Variants in MED8 observed in about 807,000 individuals in gnomAD.
MED8 encodes the protein mediator of RNA polymerase II transcription subunit 8.
In MED8, 22 loss-of-function variants were observed where a neutral mutation model predicts 34.8. The observed-to-expected ratio is 0.63, with a 90% CI of 0.45 to 0.90. The LOEUF is 0.90. Among genes scored for constraint, MED8 ranks in the 40% least tolerant of loss-of-function variants. The probability of loss-of-function intolerance (pLI) is 0.00; values close to 1 mark genes in which losing one functional copy is unlikely to be tolerated. For missense variants in MED8, 260 were observed against 326.3 expected (o/e 0.80, Z 1.57); for synonymous variants, 105 against 120.2 (o/e 0.87, Z 0.83).
At chr1:43,389,559 T>G (rs1378826841) in intron 1 of MED8, among the ~76,000 whole-genome samples, 200 bp downstream of exon 1, 2 of 152,246 alleles carry the variant, frequency 1.3e-5, no homozygotes, top group African/African-American at 2.4e-5. Flanking sequence ...GACTGTCTCC[T>G]GTCAGGCAAG....
In MED8 at chr1:43,384,372, T is replaced by TAGGG; in HGVS notation, c.*666_*669dup. ...CGTGTGTATAAGGTGGGGTAAAGGATAGGGGACTTTATGACTATTTGACAG... is the reference window on the plus strand; with the variant it reads ...CGTGTGTATAAGGTGGGGTAAAGGATAGGGAGGGGACTTTATGACTATTTGACAG... On this transcript the variant is annotated 3_prime_UTR_variant, in exon 7 of 7. Transcript: ENST00000372457. 1 of 1,506,614 alleles carries TAGGG rather than the reference T, an allele frequency of 6.6e-7. No individual in the cohort carries two copies. 93.3% of individuals were successfully genotyped at this position (1,506,614 alleles called of 1,614,324 possible).
At position 43,384,386 on chromosome 1, in the gene MED8, A is replaced by G; in HGVS notation, c.*656T>C. On this transcript the variant is annotated 3_prime_UTR_variant, in exon 7 of 7. Coordinates refer to ENST00000372457, the MANE Select transcript of MED8 (RefSeq NM_201542.5). ...GGGGTAAAGGATAGGGGACTTTATG[A>G]CTATTTGACAGGTAAAAGCCAAGTT... is the stretch of plus-strand genomic sequence containing the variant. The G allele has an allele frequency of 6.6e-7, 1 of 1,524,832 alleles. No individual in the cohort carries two copies. The highest frequency in any genetic ancestry group is 8.8e-7 in the Non-Finnish European group (1 of 1,137,112). The allele number at this position is 1,524,832 out of a possible 1,614,324, so 94.5% of individuals were successfully genotyped here. A position where few individuals can be genotyped will look rare whatever the true frequency, so the allele number is the denominator to read the frequency against.
At chr1:43,389,673 C>T in intron 1 of MED8, 86 bp downstream of exon 1, 2 of 1,570,910 alleles carry the variant, frequency 1.3e-6, no homozygotes, top group East Asian at 4.8e-5. Flanking sequence ...TTCTCAGTCC[C>T]AACTCTTCAT....
Position 43,386,346 on chromosome 1 carries a change from C to T in MED8, c.494-120G>A. 7.7e-7 allele frequency: 1 copy of T among 1,299,758 alleles called. No homozygotes were observed. Among genetic ancestry groups the T allele is most frequent in the East Asian group, 2.5e-5 (1 of 39,938 alleles). 80.5% of individuals were successfully genotyped at this position (1,299,758 alleles called of 1,614,324 possible). Reference sequence around the variant, plus strand: ...TCTGAATTCAGCAACATCTAGACTCCCTCACAGCCCAGAAAAAGAGCCAGA... The same window carrying T: ...TCTGAATTCAGCAACATCTAGACTCTCTCACAGCCCAGAAAAAGAGCCAGA... On this transcript the variant is annotated intron_variant, in intron 5 of 6. Transcript: ENST00000372457. This position sits in a 1 kb window ranked among gnomAD's most constrained non-coding sequence, Gnocchi z 4.9.
Position 43,386,434 on chromosome 1 carries a change from G to A in MED8, c.493+155C>T, listed in dbSNP as rs1435978911. The A allele has an allele frequency of 1.9e-6, 2 of 1,050,832 alleles. No homozygotes were observed. The highest frequency in any genetic ancestry group is 1.6e-5 in the South Asian group (1 of 63,502). 65.1% of individuals were successfully genotyped at this position (1,050,832 alleles called of 1,614,324 possible). ...TTTGCCCATTTCCTCCACTGCTTCA[G>A]TGCTGGCCTTAAATACAAAAGGCTA... On this transcript the variant is annotated intron_variant, in intron 5 of 6. Coordinates refer to ENST00000372457, the MANE Select transcript of MED8 (RefSeq NM_201542.5). This position sits in a 1 kb window ranked among gnomAD's most constrained non-coding sequence, Gnocchi z 4.9.
Position 43,389,614 on chromosome 1 carries a change from C to T in MED8, c.6+145G>A, listed in dbSNP as rs555983567. The T allele has an allele frequency of 7.4e-5, 97 of 1,305,744 alleles. No individual in the cohort carries two copies. The South Asian group carries it at 1.3e-3, about 17-fold the overall frequency. The allele number at this position is 1,305,744 out of a possible 1,614,324, so 80.9% of individuals were successfully genotyped here. ...CGCCGCCGCTCCCGCTCCAATTAGC[C>T]TCGCCCCCCAGCCCACATTCCCTTA... On this transcript the variant is annotated intron_variant, in intron 1 of 6. Coordinates refer to ENST00000372457, the MANE Select transcript of MED8 (RefSeq NM_201542.5).
chr1:43,388,511 G>GT, intron 1 of MED8, 83 bp from the exon 2 acceptor site: 1 of 1,569,790 alleles, frequency 6.4e-7, no homozygotes, highest in Non-Finnish European at 8.6e-7. Flanking sequence ...AGGAGATGGT[G>GT]TGCAACACCA....
intron 1 of MED8, 43 bp downstream of exon 1, chr1:43,389,716 C>G (rs765415530): frequency 1.2e-5 from 20 of 1,602,590 alleles, no homozygotes; most frequent in Non-Finnish European, 1.6e-5. Flanking sequence ...GGTCCCTGTA[C>G]CCGAAGCTTG....
chr1:43,389,750 A>T lies in MED8; in HGVS notation c.6+9T>A. 6.2e-7 allele frequency: 1 copy of T among 1,607,300 alleles called. No individual in the cohort carries two copies. The highest frequency in any genetic ancestry group is 8.5e-7 in the Non-Finnish European group (1 of 1,177,206). On this transcript the variant is annotated intron_variant, in intron 1 of 6. Coordinates refer to ENST00000372457, the MANE Select transcript of MED8 (RefSeq NM_201542.5). ...TGCCAGCCGCTAGTACGCCCAACGC[A>T]ACTCTCACCTGCATTGCGGCGGCCG...
rs781455010 is a variant in MED8, at chr1:43,387,007, C to T, written c.271-9G>A. On this transcript the variant is annotated splice_polypyrimidine_tract_variant and intron_variant, in intron 3 of 6. Coordinates refer to ENST00000372457, the MANE Select transcript of MED8 (RefSeq NM_201542.5). Reference sequence around the variant, plus strand: ...CGTCCTTCAGTCTGCCGCTGTAACACACAGATTTTATTGATCCTACTCTGT... The same window carrying T: ...CGTCCTTCAGTCTGCCGCTGTAACATACAGATTTTATTGATCCTACTCTGT... 6.2e-7 allele frequency: 1 copy of T among 1,613,736 alleles called. No individual in the cohort carries two copies. Among genetic ancestry groups the T allele is most frequent in the Non-Finnish European group, 8.5e-7 (1 of 1,179,716 alleles).
At chr1:43,389,683 T>C (rs1647999815) in intron 1 of MED8, 76 bp downstream of exon 1, 1 of 1,581,070 alleles carries the variant, frequency 6.3e-7, no homozygotes, top group East Asian at 2.4e-5. Context: ...CAACTCTTCA[T>C]TCTCCTTAGC....
chr1:43,387,141 A>C, intron 3 of MED8, 143 bp from the exon 4 acceptor site: 2 of 1,068,034 alleles, frequency 1.9e-6, no homozygotes, highest in Non-Finnish European at 2.7e-6. Context: ...GCTAGGACAC[A>C]CTCTCCTTTA....
chr1:43,388,390 C>T lies in MED8; in HGVS notation c.45G>A (p.Leu15=). The T allele has an allele frequency of 6.2e-7, 1 of 1,613,678 alleles. No individual in the cohort carries two copies. Among genetic ancestry groups the T allele is most frequent in the Non-Finnish European group, 8.5e-7 (1 of 1,179,896 alleles). ...EKQLEASLDA[L]LSQVADLKNS... is the part of the protein sequence containing the mutation. The stretch of plus-strand genomic sequence containing the variant: ...TCTTCAGATCAGCCACTTGACTCAG[C>T]AGTGCATCTAATGATGCCTCAAGCT... The change falls in exon 2 of 7, where the codon CTG becomes CTA. Residue 15 remains leucine, a synonymous_variant. Coordinates refer to ENST00000372457, the MANE Select transcript of MED8 (RefSeq NM_201542.5).
chr1:43,388,420 C>G lies in MED8; in HGVS notation c.15G>C (p.Glu5Asp), dbSNP rs140809090. Residue 5 changes from glutamate to aspartate, a missense_variant, in exon 2 of 7, where the codon GAG becomes GAC. Glu to Asp is a conservative substitution (Grantham distance 45). Transcript: ENST00000372457. ...CATCTAATGATGCCTCAAGCTGCTT[C>G]TCCTCTCTCTGCACCAATAGGAACA... is the stretch of plus-strand genomic sequence containing the variant. MQRE[E>D]KQLEASLDAL... is the part of the protein sequence containing the mutation. 8.7e-4 allele frequency: 1,400 copies of G among 1,613,450 alleles called. No homozygotes were observed. Among genetic ancestry groups the G allele is most frequent in the Non-Finnish European group, 1.1e-3 (1,281 of 1,179,876 alleles).
Position 43,386,012 on chromosome 1 carries a change from G to C in MED8, c.708C>G (p.Leu236=), listed in dbSNP as rs370016188. The part of the protein sequence containing the change: ...AGAPSQQQPM[L]SGVQMAQAGQ... ...CTGCCTGAGCCATTTGTACCCCACTGAGCATTGGCTGCTGCTGGCTTGGAG... is the reference window on the plus strand; with the variant it reads ...CTGCCTGAGCCATTTGTACCCCACTCAGCATTGGCTGCTGCTGGCTTGGAG... Residue 236 remains leucine, a synonymous_variant, in exon 6 of 7, where the codon CTC becomes CTG. Transcript: ENST00000372457. The surrounding 1 kb of genome is among the most constrained non-coding windows in gnomAD (Gnocchi z 4.9). 5.0e-6 allele frequency: 8 copies of C among 1,613,876 alleles called. No homozygotes were observed. In the African/African-American group the frequency reaches 1.1e-4, roughly 22 times the overall value.
rs147293485 is a variant in MED8, at chr1:43,386,820, G to A, written c.411+38C>T. ...GGTAATGCCTAGCTTCTCATGATGG[G>A]ATGGGGATGGGGCAGCAAGGCAGTG... On this transcript the variant is annotated intron_variant, in intron 4 of 6. Coordinates refer to ENST00000372457, the MANE Select transcript of MED8 (RefSeq NM_201542.5). This position sits in a 1 kb window ranked among gnomAD's most constrained non-coding sequence, Gnocchi z 4.9. 1.2e-5 allele frequency: 20 copies of A among 1,612,720 alleles called. No individual in the cohort carries two copies. The East Asian group carries it at 4.2e-4, about 34-fold the overall frequency.
In MED8 at chr1:43,389,671, C is replaced by A. The variant is rs1347226144; in HGVS notation, c.6+88G>T. 3.8e-6 allele frequency: 6 copies of A among 1,567,928 alleles called. No individual in the cohort carries two copies. In the South Asian group the frequency reaches 7.0e-5, roughly 18 times the overall value. ...GTGGGTTCTGCCCTCTCTTCTCAGT[C>A]CCAACTCTTCATTCTCCTTAGCCAG... is the stretch of plus-strand genomic sequence containing the variant. On this transcript the variant is annotated intron_variant, in intron 1 of 6. Transcript: ENST00000372457.
chr1:43,389,748 G>A lies in MED8; in HGVS notation c.6+11C>T, dbSNP rs772324580. On this transcript the variant is annotated intron_variant, in intron 1 of 6. Transcript: ENST00000372457. ...CTTGCCAGCCGCTAGTACGCCCAAC[G>A]CAACTCTCACCTGCATTGCGGCGGC... 1.9e-6 allele frequency: 3 copies of A among 1,607,228 alleles called. No individual in the cohort carries two copies. The highest frequency in any genetic ancestry group is 2.5e-6 in the Non-Finnish European group (3 of 1,177,190).
rs1185252758 is a variant in MED8, at chr1:43,384,336, T to G, written c.*706A>C. ...AGTCCTGCCTGGCAGAGCCACTTCCTGAGAAAGCCTCGTGTGTATAAGGTG... is the reference window on the plus strand; with the variant it reads ...AGTCCTGCCTGGCAGAGCCACTTCCGGAGAAAGCCTCGTGTGTATAAGGTG... On this transcript the variant is annotated 3_prime_UTR_variant, in exon 7 of 7. Transcript: ENST00000372457. 6 of 1,361,130 alleles carry G rather than the reference T, an allele frequency of 4.4e-6. No individual in the cohort carries two copies. The highest frequency in any genetic ancestry group is 1.6e-5 in the South Asian group (1 of 62,530). The allele number at this position is 1,361,130 out of a possible 1,614,324, so 84.3% of individuals were successfully genotyped here.
Sources: allele counts gnomAD v4.1 joint callset (sites outside exome capture counted in the v4.1 genomes callset), GRCh38; gene constraint gnomAD v4.1.1; non-coding constraint Gnocchi (gnomAD v3.1); transcripts MANE v1.5; gene names NCBI Gene and HGNC (gene_info 2026-07-23, HGNC 2026-07-21).